Variants in STXBP3 observed in about 807,000 individuals in gnomAD.
STXBP3 encodes the protein syntaxin binding protein 3, also known as syntaxin-binding protein 3.
In STXBP3, 41 loss-of-function variants were observed where a neutral mutation model predicts 85.7. The observed-to-expected ratio is 0.48, with a 90% confidence interval of 0.37 to 0.62. STXBP3 has a LOEUF of 0.62. STXBP3 is among the 20% of genes least tolerant of loss of function. The pLI is 0.00. For synonymous variants in STXBP3, 229 were observed against 231.7 expected (o/e 0.99, Z 0.10); for missense variants, 563 against 703.1 (o/e 0.80, Z 2.25).
intron 3 of STXBP3, among the ~76,000 whole-genome samples, chr1:108,756,033 A>G (rs749489313): frequency 2.0e-5 from 3 of 152,184 alleles, no homozygotes. Context: ...AGGATACTTT[A>G]AATTAGTTTT....
rs114219813 is a variant in STXBP3 at position 108,798,084 on chromosome 1, T to A, written c.1357-61T>A. On this transcript the variant is annotated intron_variant, in intron 15 of 18. Transcript: ENST00000370008. Reference sequence around the variant, plus strand: ...AATTAAATATCTTCGTTAGGAAACGTAAGAGTATTATATTTGAATAGAATT... The same window carrying A: ...AATTAAATATCTTCGTTAGGAAACGAAAGAGTATTATATTTGAATAGAATT... 1.4e-3 allele frequency: 1,775 copies of A among 1,298,110 alleles called. 21 individuals are homozygous for A. The African/African-American group carries it at 0.024, about 18-fold the overall frequency. The allele number at this position is 1,298,110 out of a possible 1,614,324, so 80.4% of individuals were successfully genotyped here.
At chr1:108,801,455 C>T (rs1663231635) in intron 17 of STXBP3, among the ~76,000 whole-genome samples, 2 of 152,022 alleles carry the variant, frequency 1.3e-5, no homozygotes, top group Non-Finnish European at 2.9e-5. Context: ...CCACTGATGT[C>T]CTTGTTGAGT....
intron 6 of STXBP3, among the ~76,000 whole-genome samples, chr1:108,767,968 T>G (rs1004484400): frequency 1.3e-5 from 2 of 152,126 alleles, no homozygotes; most frequent in Admixed American, 6.5e-5. Context: ...TAGCTAAAAT[T>G]GAGTCACATG....
chr1:108,780,716 C>CT (rs1662699091), intron 9 of STXBP3: 1 of 150,638 alleles, frequency 6.6e-6, no homozygotes, highest in Non-Finnish European at 1.5e-5. Flanking sequence ...GCAGGAAGCT[C>CT]TAAGTGTCCA....
chr1:108,750,776 CTG>C (rs779043562), intron 1 of STXBP3, among the ~76,000 whole-genome samples: 4 of 152,076 alleles, frequency 2.6e-5, no homozygotes, highest in Non-Finnish European at 5.9e-5. Context: ...ACACTTCTGT[CTG>C]TCTTGGCTAC....
chr1:108,772,945 C>G (rs1390334189), intron 7 of STXBP3, 126 bp downstream of exon 7: 4 of 876,790 alleles, frequency 4.6e-6, no homozygotes, highest in Admixed American at 3.5e-5. Context: ...TTACCATGCT[C>G]TACATATAGG....
At chr1:108,792,730 G>A (rs1663003643) in intron 11 of STXBP3, among the ~76,000 whole-genome samples, 1 of 152,182 alleles carries the variant, frequency 6.6e-6, no homozygotes, top group Non-Finnish European at 1.5e-5. Context: ...TCTAGATGAT[G>A]CTGTCTCTAC....
At chr1:108,800,105 AC>A in intron 16 of STXBP3, 114 bp from the exon 17 acceptor site, 1 of 707,246 alleles carries the variant, frequency 1.4e-6, no homozygotes, top group Non-Finnish European at 2.5e-6. Flanking sequence ...CTAATCTTAT[AC>A]TAAATATTTA....
At chr1:108,791,297 T>C (rs559098744) in intron 11 of STXBP3, among the ~76,000 whole-genome samples, 18 of 152,326 alleles carry the variant, frequency 1.2e-4, no homozygotes, top group African/African-American at 4.3e-4. Flanking sequence ...TTTTAGCAAT[T>C]TGACCATGAT....
Position 108,779,424 on chromosome 1 carries a change from G to A in STXBP3, c.809+14G>A. ...TGATACATACAAGCAAGTATAACTT[G>A]AAGGGCATATAAAGGGCATATACAA... On this transcript the variant is annotated intron_variant, in intron 9 of 18. Transcript: ENST00000370008. The A allele has an allele frequency of 6.2e-7, 1 of 1,606,232 alleles. No individual in the cohort carries two copies. Among genetic ancestry groups the A allele is most frequent in the Non-Finnish European group, 8.5e-7 (1 of 1,175,994 alleles).
intron 18 of STXBP3, among the ~76,000 whole-genome samples, chr1:108,807,975 G>A (rs189888042): frequency 2.6e-5 from 4 of 152,306 alleles, no homozygotes; most frequent in Admixed American, 1.3e-4. Context: ...CAAAAAAATT[G>A]TTAACCATAG....
chr1:108,805,411 A>G (rs1321373701), intron 17 of STXBP3, among the ~76,000 whole-genome samples: 7 of 148,962 alleles, frequency 4.7e-5, no homozygotes, highest in African/African-American at 1.7e-4. Flanking sequence ...CTGAAAGGCT[A>G]GATTCAGATT....
At chr1:108,771,304 G>A (rs1662392254) in intron 6 of STXBP3, among the ~76,000 whole-genome samples, 1 of 144,932 alleles carries the variant, frequency 6.9e-6, no homozygotes, top group Admixed American at 7.4e-5. Flanking sequence ...TCAGGAAACA[G>A]CATGGTTAGT....
chr1:108,781,310 A>G (rs986581611), intron 9 of STXBP3: 1 of 152,200 alleles, frequency 6.6e-6, no homozygotes, highest in South Asian at 2.1e-4. Context: ...CAAAGTCTAT[A>G]TGTATTATTT....
At chr1:108,747,906 A>G (rs1439956444) in intron 1 of STXBP3, among the ~76,000 whole-genome samples, 1 of 152,232 alleles carries the variant, frequency 6.6e-6, no homozygotes, top group Non-Finnish European at 1.5e-5. Flanking sequence ...GATGTTTTAA[A>G]ACAATGGTAT....
At chr1:108,752,351 T>C (rs1661922351) in intron 2 of STXBP3, 45 bp downstream of exon 2, 1 of 1,552,556 alleles carries the variant, frequency 6.4e-7, no homozygotes, top group African/African-American at 1.4e-5. Context: ...ATACAAACTT[T>C]AAAAACAATA....
chr1:108,774,208 G>T (rs1662534270), intron 7 of STXBP3, among the ~76,000 whole-genome samples: 1 of 152,066 alleles, frequency 6.6e-6, no homozygotes, highest in South Asian at 2.1e-4. Context: ...ATTTTGGTCT[G>T]CTAGTTCATG....
intron 17 of STXBP3, among the ~76,000 whole-genome samples, chr1:108,803,751 G>T (rs1427159673): frequency 6.6e-6 from 1 of 152,196 alleles, no homozygotes; most frequent in African/African-American, 2.4e-5. Context: ...CTCCCAAAGT[G>T]CTGGGATTAC....
chr1:108,769,245 T>C (rs1361843974), intron 6 of STXBP3, among the ~76,000 whole-genome samples: 1 of 152,012 alleles, frequency 6.6e-6, no homozygotes. Context: ...TCAAGTTGAG[T>C]AGGCAGAGGT....
Sources: gnomAD v4.1 joint callset for allele counts (sites outside exome capture counted in the v4.1 genomes callset) on GRCh38, gnomAD v4.1.1 for gene constraint, MANE v1.5 for transcripts, NCBI Gene and HGNC (gene_info 2026-07-23, HGNC 2026-07-21) for gene names.